The following ROBO2 variants were observed in gnomAD, a reference collection of about 807,000 sequenced individuals.
ROBO2 encodes roundabout guidance receptor 2.
ROBO2 carries 53 observed loss-of-function variants against 160.8 expected under a neutral mutation model. The observed-to-expected ratio is 0.33, with a 90% CI of 0.26 to 0.41. ROBO2 has a LOEUF of 0.41. Among genes scored for constraint, ROBO2 ranks in the 10% least tolerant of loss-of-function variants. The pLI is 1.00. For missense variants in ROBO2, 1,577 were observed against 1,722.4 expected (o/e 0.92, Z 1.49); for synonymous variants, 664 against 611.7 (o/e 1.09, Z -1.26).
chr3:76,749,842 A>T (rs1307420159), intron 2 of ROBO2, among the ~76,000 whole-genome samples: 1 of 152,062 alleles, frequency 6.6e-6, no homozygotes, highest in Non-Finnish European at 1.5e-5. Context: ...GACCAGATGG[A>T]TTCACAGCTG....
intron 2 of ROBO2, among the ~76,000 whole-genome samples, chr3:76,335,278 C>T (rs35267073): frequency 0.11 from 15,390 of 145,458 alleles, 870 homozygotes; most frequent in African/African-American, 0.13. Flanking sequence ...ACTCCTGGGT[C>T]CAAGCAATTC....
chr3:76,130,883 A>G (rs934120249), intron 2 of ROBO2, among the ~76,000 whole-genome samples: 6 of 152,114 alleles, frequency 3.9e-5, no homozygotes, highest in Non-Finnish European at 8.8e-5. Flanking sequence ...ACCTCTTTAA[A>G]CCCATTCTGA....
chr3:76,741,606 T>A (rs952562200), intron 2 of ROBO2, among the ~76,000 whole-genome samples: 14 of 152,048 alleles, frequency 9.2e-5, no homozygotes, highest in African/African-American at 3.4e-4. Flanking sequence ...ATGACTTACT[T>A]TGAGTTTACT....
chr3:76,328,443 A>G (rs1374438690), intron 2 of ROBO2, among the ~76,000 whole-genome samples: 2 of 152,212 alleles, frequency 1.3e-5, no homozygotes, highest in African/African-American at 4.8e-5. Flanking sequence ...ATTTCCTAGT[A>G]TAACATATAT....
chr3:77,462,262 T>G (rs1281201011), intron 2 of ROBO2, among the ~76,000 whole-genome samples: 4 of 152,154 alleles, frequency 2.6e-5, no homozygotes, highest in Non-Finnish European at 5.9e-5. Flanking sequence ...AAGTCTCAAA[T>G]CAAAAGGTTG....
At chr3:77,042,479 G>A (rs1044739542) in intron 1 of ROBO2, among the ~76,000 whole-genome samples, 2 of 152,122 alleles carry the variant, frequency 1.3e-5, no homozygotes, top group African/African-American at 2.4e-5. Context: ...ATCACCAAGG[G>A]TTTTTTTATA....
chr3:77,531,064 A>T (rs796529), intron 6 of ROBO2, among the ~76,000 whole-genome samples: 1 of 151,774 alleles, frequency 6.6e-6, no homozygotes, highest in Non-Finnish European at 1.5e-5. Context: ...AATCTACCAG[A>T]TGCCTTGCTT....
intron 2 of ROBO2, among the ~76,000 whole-genome samples, chr3:77,023,690 T>A (rs567605476): frequency 2.0e-5 from 3 of 152,162 alleles, no homozygotes; most frequent in Non-Finnish European, 2.9e-5. Flanking sequence ...TACCTCCTTA[T>A]CAACACAGAA....
intron 5 of ROBO2, among the ~76,000 whole-genome samples, chr3:77,507,829 A>C (rs1439616580): frequency 1.3e-5 from 2 of 151,990 alleles, no homozygotes; most frequent in Non-Finnish European, 2.9e-5. Flanking sequence ...TTAACAGTAA[A>C]TTTCCAAGTT....
chr3:76,337,143 A>G (rs2073946148), intron 2 of ROBO2, among the ~76,000 whole-genome samples: 1 of 152,106 alleles, frequency 6.6e-6, no homozygotes, highest in Non-Finnish European at 1.5e-5. Flanking sequence ...GTAAAAGTTG[A>G]TCTTTCATTA....
At chr3:77,411,828 T>C (rs1471392130) in intron 2 of ROBO2, among the ~76,000 whole-genome samples, 1 of 152,216 alleles carries the variant, frequency 6.6e-6, no homozygotes, top group Non-Finnish European at 1.5e-5. Flanking sequence ...GGCATTTTTC[T>C]TTAACCACTT....
intron 2 of ROBO2, among the ~76,000 whole-genome samples, chr3:76,635,133 T>C (rs550231606): frequency 3.4e-4 from 52 of 152,296 alleles, no homozygotes; most frequent in African/African-American, 1.2e-3. Context: ...GGTGTTGTTA[T>C]TGGAGTTCTT....
At chr3:77,164,392 G>A (rs1024722828) in intron 2 of ROBO2, among the ~76,000 whole-genome samples, 5 of 98,332 alleles carry the variant, frequency 5.1e-5, no homozygotes, top group African/African-American at 1.4e-4. Context: ...GGGAGGTGGG[G>A]GGTCAGCCCC....
chr3:75,938,940 G>GT (rs1169198696), intron 2 of ROBO2, among the ~76,000 whole-genome samples: 2 of 152,062 alleles, frequency 1.3e-5, no homozygotes, highest in Non-Finnish European at 2.9e-5. Context: ...ACACATAGTA[G>GT]TTTTTTCACC....
At chr3:76,970,888 G>A (rs989267526) in intron 2 of ROBO2, among the ~76,000 whole-genome samples, 1 of 152,034 alleles carries the variant, frequency 6.6e-6, no homozygotes, top group African/African-American at 2.4e-5. Context: ...ATGTCATCCT[G>A]TTACCATTCA....
intron 2 of ROBO2, among the ~76,000 whole-genome samples, chr3:77,303,350 G>A (rs866467341): frequency 6.6e-6 from 1 of 152,148 alleles, no homozygotes; most frequent in Non-Finnish European, 1.5e-5. Flanking sequence ...GAAGCCGTAC[G>A]ATAAACTATG....
chr3:76,248,014 G>A (rs1282397388), intron 2 of ROBO2, among the ~76,000 whole-genome samples: 1 of 151,888 alleles, frequency 6.6e-6, no homozygotes, highest in Non-Finnish European at 1.5e-5. Flanking sequence ...AGGATGTGGA[G>A]AAACAGGAAC....
At chr3:77,397,668 T>A (rs1275453887) in intron 2 of ROBO2, among the ~76,000 whole-genome samples, 1 of 152,166 alleles carries the variant, frequency 6.6e-6, no homozygotes, top group East Asian at 1.9e-4. Context: ...TTCCTGTAAA[T>A]AAGTGCCTAT....
chr3:76,384,714 G>C (rs546133109), intron 2 of ROBO2, among the ~76,000 whole-genome samples: 24 of 152,242 alleles, frequency 1.6e-4, no homozygotes, highest in Admixed American at 1.1e-3. Context: ...GGTAAGTACT[G>C]AGGAGAGGGG....
Sources: allele counts gnomAD v4.1 joint callset (sites outside exome capture counted in the v4.1 genomes callset), GRCh38; gene constraint gnomAD v4.1.1; transcripts MANE v1.5; gene names NCBI Gene and HGNC (gene_info 2026-07-23, HGNC 2026-07-21).